Variants in ZFAT observed in about 807,000 individuals in gnomAD.
ZFAT encodes zinc finger and AT-hook domain containing, also known as zinc finger protein ZFAT.
Under a neutral mutation model 117.7 loss-of-function variants are expected in ZFAT, and 64 were observed. The observed-to-expected ratio is 0.54, with a 90% CI of 0.44 to 0.67. ZFAT has a LOEUF of 0.67. ZFAT is among the 30% of genes least tolerant of loss of function. ZFAT has a pLI of 0.00. For synonymous variants in ZFAT, 679 were observed against 615.0 expected (o/e 1.10, Z -1.54); for missense variants, 1,433 against 1,584.5 (o/e 0.90, Z 1.62).
chr8:134,796,735 TG>T, the ZFAT span: 112 of 152,338 alleles, frequency 7.4e-4, 1 homozygote, highest in African/African-American at 2.6e-3. Context: ...TCTTGACAAC[TG>T]CTTCTACTTT....
At chr8:134,652,389 G>GA (rs369628358) in intron 2 of ZFAT, among the ~76,000 whole-genome samples, 1 of 152,072 alleles carries the variant, frequency 6.6e-6, no homozygotes, top group Non-Finnish European at 1.5e-5. Flanking sequence ...TTCTATAGCA[G>GA]AAAAAAACTC....
At chr8:134,675,874 T>A (rs1563753530) in intron 1 of ZFAT, among the ~76,000 whole-genome samples, 1 of 152,102 alleles carries the variant, frequency 6.6e-6, no homozygotes, top group Non-Finnish European at 1.5e-5. Context: ...AATAAAATCC[T>A]TTACAGACAA....
intron 1 of ZFAT, among the ~76,000 whole-genome samples, chr8:134,695,571 C>G (rs1372213070): frequency 6.6e-6 from 1 of 150,880 alleles, no homozygotes; most frequent in Admixed American, 6.6e-5. Flanking sequence ...ACCCCCAGGC[C>G]CAGGCGGCAT....
chr8:134,800,798 G>A, the ZFAT span, among the ~76,000 whole-genome samples: 3 of 152,068 alleles, frequency 2.0e-5, no homozygotes, highest in Non-Finnish European at 2.9e-5. Context: ...AAGTGGGGGC[G>A]TGTCCAGGGC....
chr8:134,590,828 G>C (rs573458372), intron 7 of ZFAT, among the ~76,000 whole-genome samples: 1 of 150,962 alleles, frequency 6.6e-6, no homozygotes, highest in South Asian at 2.1e-4. Context: ...ACATCACCAC[G>C]ACCCCCCTCA....
intron 15 of ZFAT, among the ~76,000 whole-genome samples, chr8:134,499,276 T>C (rs1586589109): frequency 4.3e-5 from 5 of 115,486 alleles, no homozygotes; most frequent in Middle Eastern, 7.1e-3. Flanking sequence ...GGGGTGGAGC[T>C]GGGATGCCCC....
chr8:134,711,329 C>T (rs1813989151), intron 1 of ZFAT, among the ~76,000 whole-genome samples: 1 of 152,200 alleles, frequency 6.6e-6, no homozygotes, highest in African/African-American at 2.4e-5. Context: ...TCCACTGTGG[C>T]CTCATGTCAG....
chr8:134,658,169 C>G (rs567154806), intron 1 of ZFAT, among the ~76,000 whole-genome samples: 1 of 152,170 alleles, frequency 6.6e-6, no homozygotes, highest in East Asian at 1.9e-4. Flanking sequence ...AATCTCGTCT[C>G]TACTAAAAAT....
At chr8:134,620,094 G>A (rs932801844) in intron 3 of ZFAT, among the ~76,000 whole-genome samples, 1 of 152,214 alleles carries the variant, frequency 6.6e-6, no homozygotes, top group African/African-American at 2.4e-5. Context: ...GGCCTGGCTA[G>A]TGGACTATAA....
intron 15 of ZFAT, among the ~76,000 whole-genome samples, chr8:134,484,496 A>G (rs1459674685): frequency 2.0e-5 from 3 of 152,162 alleles, no homozygotes; most frequent in Non-Finnish European, 2.9e-5. Context: ...TGCATTGTCT[A>G]TGGAGGAGAG....
chr8:134,752,643 T>A, the ZFAT span, among the ~76,000 whole-genome samples: 1 of 152,170 alleles, frequency 6.6e-6, no homozygotes, highest in Non-Finnish European at 1.5e-5. Context: ...GACATTTATT[T>A]CCCACAGTTC....
At chr8:134,698,613 A>G (rs1369117931) in intron 1 of ZFAT, among the ~76,000 whole-genome samples, 1 of 152,160 alleles carries the variant, frequency 6.6e-6, no homozygotes, top group Non-Finnish European at 1.5e-5. Flanking sequence ...ATTCTGGTAG[A>G]AGCGTCAGAC....
At chr8:134,753,440 G>A in the ZFAT span, among the ~76,000 whole-genome samples, 3 of 152,252 alleles carry the variant, frequency 2.0e-5, no homozygotes, top group Middle Eastern at 3.4e-3. Context: ...TGACACACTC[G>A]CACATGACTG....
intron 10 of ZFAT, 163 bp from the exon 11 acceptor site, chr8:134,565,584 G>A (rs1406320130): frequency 4.0e-6 from 3 of 745,068 alleles, no homozygotes; most frequent in African/African-American, 3.5e-5. Context: ...AATGCAGCAT[G>A]CTCAGTCTTC....
At chr8:134,794,696 A>C in the ZFAT span, 1 of 152,222 alleles carries the variant, frequency 6.6e-6, no homozygotes, top group African/African-American at 2.4e-5. Flanking sequence ...TTGTGTAAAA[A>C]ATTTAACTTC....
At chr8:134,816,384 A>G in the ZFAT span, among the ~76,000 whole-genome samples, 1 of 152,150 alleles carries the variant, frequency 6.6e-6, no homozygotes, top group Admixed American at 6.5e-5. Flanking sequence ...GACTGTTACA[A>G]TCCTGTGATG....
intron 11 of ZFAT, among the ~76,000 whole-genome samples, chr8:134,545,206 A>C (rs6998092): frequency 1.3e-5 from 2 of 152,098 alleles, no homozygotes; most frequent in Non-Finnish European, 2.9e-5. Flanking sequence ...TGAGTAAAGA[A>C]GTAAACTTCA....
intron 11 of ZFAT, among the ~76,000 whole-genome samples, chr8:134,549,156 T>C (rs1223797370): frequency 6.6e-6 from 1 of 151,942 alleles, no homozygotes; most frequent in African/African-American, 2.4e-5. Context: ...GAAATACGAG[T>C]TCAGACCGGG....
At chr8:134,672,459 T>G (rs1274342567) in intron 1 of ZFAT, among the ~76,000 whole-genome samples, 1 of 152,100 alleles carries the variant, frequency 6.6e-6, no homozygotes, top group African/African-American at 2.4e-5. Context: ...CTAATGTAAA[T>G]GACAAGTTAA....
Sources: allele counts gnomAD v4.1 joint callset (sites outside exome capture counted in the v4.1 genomes callset), GRCh38; gene constraint gnomAD v4.1.1; transcripts MANE v1.5; gene names NCBI Gene and HGNC (gene_info 2026-07-23, HGNC 2026-07-21).